Variants in FAF1 observed in about 807,000 individuals in gnomAD.
FAF1 encodes the protein FAS-associated factor 1.
A neutral mutation model predicts 92.5 loss-of-function variants in FAF1; 25 were observed. The observed-to-expected ratio is 0.27, with a 90% CI of 0.20 to 0.38. The LOEUF is 0.38. Among genes scored for constraint, FAF1 ranks in the 10% least tolerant of loss-of-function variants. The probability of loss-of-function intolerance (pLI) is 1.00; values close to 1 mark genes in which losing one functional copy is unlikely to be tolerated. For missense variants in FAF1, 636 were observed against 793.3 expected (o/e 0.80, Z 2.38); for synonymous variants, 234 against 273.2 (o/e 0.86, Z 1.42).
intron 7 of FAF1, among the ~76,000 whole-genome samples, chr1:50,696,911 A>T (rs1173460100): frequency 6.6e-6 from 1 of 152,192 alleles, no homozygotes; most frequent in Non-Finnish European, 1.5e-5. Context: ...ATACTTAGCA[A>T]ATTGTTTGGC....
intron 7 of FAF1, among the ~76,000 whole-genome samples, chr1:50,683,869 T>C (rs1049342484): frequency 6.6e-6 from 1 of 151,598 alleles, no homozygotes; most frequent in African/African-American, 2.4e-5. Context: ...GAGGCGGAGG[T>C]TGTGGTGAGC....
chr1:50,780,856 C>T, intron 4 of FAF1: 1 of 461,792 alleles, frequency 2.2e-6, no homozygotes, highest in East Asian at 5.9e-5. Flanking sequence ...ATGCATCTTA[C>T]CTTCAGGAGG....
At chr1:50,791,201 A>T (rs1661550989) in intron 3 of FAF1, among the ~76,000 whole-genome samples, 1 of 152,246 alleles carries the variant, frequency 6.6e-6, no homozygotes, top group Admixed American at 6.5e-5. Context: ...AGAATGCCAC[A>T]GCTGAAATCC....
rs761313785 is a variant in FAF1, at chr1:50,441,515, T to C, written c.1878A>G (p.Gln626=). The part of the protein sequence containing the change: ...LSTFPRRDVT[Q]LDPNKSLLEV... Reference sequence around the variant, plus strand: ...CCAATAATGATTTATTTGGGTCCAGTTGAGTTACCTAAAAAGATGAAGAAC... The same window carrying C: ...CCAATAATGATTTATTTGGGTCCAGCTGAGTTACCTAAAAAGATGAAGAAC... The change falls in exon 19 of 19, where the codon CAA becomes CAG. Residue 626 remains glutamine (Q), a synonymous_variant. Transcript: ENST00000396153. 4.4e-5 allele frequency: 68 copies of C among 1,538,638 alleles called. No individual in the cohort carries two copies. Among genetic ancestry groups the C allele is most frequent in the Non-Finnish European group, 5.5e-5 (63 of 1,137,018 alleles).
chr1:50,547,256 T>C (rs1430175736), intron 13 of FAF1, among the ~76,000 whole-genome samples: 1 of 152,080 alleles, frequency 6.6e-6, no homozygotes, highest in Admixed American at 6.6e-5. Flanking sequence ...ATTGTAAGCA[T>C]GTTGGAGAAC....
intron 4 of FAF1, among the ~76,000 whole-genome samples, chr1:50,781,601 A>G (rs1184790943): frequency 2.0e-5 from 3 of 152,208 alleles, no homozygotes; most frequent in African/African-American, 7.2e-5. Context: ...AGAAATATCC[A>G]GACCAGATGA....
intron 4 of FAF1, among the ~76,000 whole-genome samples, chr1:50,783,748 G>A (rs1162772585): frequency 2.0e-5 from 3 of 152,032 alleles, no homozygotes; most frequent in Non-Finnish European, 2.9e-5. Flanking sequence ...GTGGCTGTGT[G>A]CCTGTAATCA....
intron 2 of FAF1, among the ~76,000 whole-genome samples, chr1:50,857,100 CATT>C (rs1196106671): frequency 1.3e-5 from 2 of 151,620 alleles, no homozygotes; most frequent in African/African-American, 4.8e-5. Flanking sequence ...CATTAAGCAT[CATT>C]ACTTTTAATC....
chr1:50,566,492 C>T (rs1381939994), intron 13 of FAF1, among the ~76,000 whole-genome samples: 1 of 152,032 alleles, frequency 6.6e-6, no homozygotes, highest in Non-Finnish European at 1.5e-5. Context: ...GTGTTAATCA[C>T]TTGAAGATAC....
intron 8 of FAF1, among the ~76,000 whole-genome samples, chr1:50,609,130 T>C (rs1652576385): frequency 6.6e-6 from 1 of 152,198 alleles, no homozygotes; most frequent in Non-Finnish European, 1.5e-5. Flanking sequence ...GTGCTAGAGA[T>C]AGAGCCAATG....
intron 4 of FAF1, among the ~76,000 whole-genome samples, chr1:50,775,690 A>G (rs1239142046): frequency 2.0e-5 from 3 of 152,132 alleles, no homozygotes; most frequent in Non-Finnish European, 2.9e-5. Flanking sequence ...GAAAGAAACG[A>G]ACATATGGAA....
chr1:50,626,274 C>T (rs947840359), intron 8 of FAF1, among the ~76,000 whole-genome samples: 1 of 152,116 alleles, frequency 6.6e-6, no homozygotes, highest in Non-Finnish European at 1.5e-5. Context: ...CTTTATTGAG[C>T]ACCTACTATC....
At chr1:50,838,018 C>G (rs1423605183) in intron 2 of FAF1, among the ~76,000 whole-genome samples, 1 of 152,146 alleles carries the variant, frequency 6.6e-6, no homozygotes, top group Non-Finnish European at 1.5e-5. Flanking sequence ...GCTGGGATTA[C>G]AGGCGTGAGC....
At chr1:50,655,921 G>A (rs1046685968) in intron 7 of FAF1, among the ~76,000 whole-genome samples, 1 of 152,152 alleles carries the variant, frequency 6.6e-6, no homozygotes, top group Non-Finnish European at 1.5e-5. Context: ...AAGTTTCTAT[G>A]TGGAATAGTG....
At chr1:50,882,648 A>G (rs572710909) in intron 1 of FAF1, among the ~76,000 whole-genome samples, 154 of 144,396 alleles carry the variant, frequency 1.1e-3, no homozygotes, top group African/African-American at 3.6e-3. Flanking sequence ...AAATAAATAA[A>G]TGTGTATGTA....
chr1:50,763,694 C>G (rs1407714997), intron 4 of FAF1, among the ~76,000 whole-genome samples: 1 of 152,130 alleles, frequency 6.6e-6, no homozygotes, highest in African/African-American at 2.4e-5. Context: ...AACAGTTAAA[C>G]TGTTAAATCC....
intron 4 of FAF1, among the ~76,000 whole-genome samples, chr1:50,754,994 A>G (rs1660019564): frequency 6.6e-6 from 1 of 152,134 alleles, no homozygotes; most frequent in South Asian, 2.1e-4. Flanking sequence ...ACACGTGGGA[A>G]TTCAAGATGA....
At chr1:50,560,970 A>G (rs1191174499) in intron 13 of FAF1, among the ~76,000 whole-genome samples, 4 of 152,220 alleles carry the variant, frequency 2.6e-5, no homozygotes, top group African/African-American at 4.8e-5. Context: ...GGTGCTTTAC[A>G]TAGTACTATT....
Position 50,515,797 on chromosome 1 carries a change from T to C in FAF1, c.1494+19572A>G, listed in dbSNP as rs150507188. On this transcript the variant is annotated intron_variant, in intron 15 of 18. Coordinates refer to ENST00000396153, the MANE Select transcript of FAF1 (RefSeq NM_007051.3). ...TTTCAGCCTTCTCCCTCCTCACTTC[T>C]GTCTATAAACAACCCCTTCTTGCCT... Among the ~76,000 whole-genome samples, 12 of 152,202 alleles carry C rather than the reference T, an allele frequency of 7.9e-5. No homozygotes were observed. The East Asian group carries it at 2.3e-3, about 29-fold the overall frequency.
Sources: allele counts gnomAD v4.1 joint callset (sites outside exome capture counted in the v4.1 genomes callset), GRCh38; gene constraint gnomAD v4.1.1; transcripts MANE v1.5; gene names NCBI Gene and HGNC (gene_info 2026-07-23, HGNC 2026-07-21).